Variants in EXD1 observed in about 807,000 individuals in gnomAD.
EXD1 encodes exonuclease 3'-5' domain containing 1.
Under a neutral mutation model 49.1 loss-of-function variants are expected in EXD1, and 63 were observed. The observed-to-expected ratio is 1.28, with a 90% CI of 1.05 to 1.58. EXD1 has a LOEUF of 1.58. Among genes scored for constraint, EXD1 ranks in the 40% most tolerant of loss-of-function variants. EXD1 has a pLI of 0.00. For missense variants in EXD1, 748 were observed against 666.0 expected (o/e 1.12, Z -1.36); for synonymous variants, 234 against 239.2 (o/e 0.98, Z 0.20).
At chr15:41,189,239 G>A (rs918977882) in intron 11 of EXD1, among the ~76,000 whole-genome samples, 13 of 151,240 alleles carry the variant, frequency 8.6e-5, no homozygotes, top group South Asian at 2.1e-4. Flanking sequence ...ATGGTGGCAG[G>A]TGCCTGTAAT....
chr15:41,190,239 C>CT, intron 10 of EXD1, 111 bp from the exon 11 acceptor site: 1 of 1,122,602 alleles, frequency 8.9e-7, no homozygotes, highest in Non-Finnish European at 1.3e-6. Context: ...CTCTGGGAGG[C>CT]TGAGGCAGGC....
chr15:41,195,910 C>A, intron 8 of EXD1, 23 bp downstream of exon 8: 2 of 1,608,898 alleles, frequency 1.2e-6, no homozygotes, highest in Non-Finnish European at 1.7e-6. Flanking sequence ...CTTAATAGCA[C>A]AGGAATCAGT....
At chr15:41,226,007 C>T (rs1250961681) in intron 2 of EXD1, among the ~76,000 whole-genome samples, 2 of 152,162 alleles carry the variant, frequency 1.3e-5, no homozygotes, top group Non-Finnish European at 2.9e-5. Flanking sequence ...AATCGCAGAA[C>T]TTTGGGAGGC....
At chr15:41,218,481 C>T (rs1362652899) in intron 3 of EXD1, among the ~76,000 whole-genome samples, 5 of 118,030 alleles carry the variant, frequency 4.2e-5, no homozygotes, top group African/African-American at 4.5e-5. Context: ...AGTAAGAATC[C>T]GTCTCAAAAA....
At chr15:41,210,315 G>A (rs2046902822) in intron 6 of EXD1, among the ~76,000 whole-genome samples, 1 of 152,186 alleles carries the variant, frequency 6.6e-6, no homozygotes, top group African/African-American at 2.4e-5. Context: ...TGGTGGCTAA[G>A]TCTCAGAGTA....
intron 7 of EXD1, among the ~76,000 whole-genome samples, chr15:41,200,625 T>A (rs2046713858): frequency 6.6e-6 from 1 of 152,154 alleles, no homozygotes; most frequent in Non-Finnish European, 1.5e-5. Flanking sequence ...AGGGAGGTCA[T>A]GGGGACTCCA....
At chr15:41,219,607 G>A (rs8030954) in intron 3 of EXD1, 43,672 of 382,454 alleles carry the variant, frequency 0.11, 5,005 homozygotes, top group African/African-American at 0.4. Flanking sequence ...CTGCTGGTCC[G>A]AGTCCGTAGT....
chr15:41,203,683 G>C (rs183676308), intron 7 of EXD1, among the ~76,000 whole-genome samples: 1 of 150,778 alleles, frequency 6.6e-6, no homozygotes, highest in East Asian at 2.0e-4. Flanking sequence ...TTGAGAGACC[G>C]AGGTGGGTGG....
chr15:41,207,098 G>A (rs1348258875), intron 7 of EXD1, among the ~76,000 whole-genome samples: 1 of 150,740 alleles, frequency 6.6e-6, no homozygotes, highest in East Asian at 2.0e-4. Flanking sequence ...AAAATTACCC[G>A]AGCGTGGTGG....
At position 41,184,259 on chromosome 15, in the gene EXD1, T is replaced by C; in HGVS notation, c.1391A>G (p.Asp464Gly). 1.2e-6 allele frequency: 2 copies of C among 1,614,180 alleles called. No individual in the cohort carries two copies. Among genetic ancestry groups the C allele is most frequent in the South Asian group, 1.1e-5 (1 of 91,084 alleles). Residue 464 changes from aspartate (D) to glycine (G), a missense_variant, in exon 12 of 12, where the codon GAT (aspartate) becomes GGT (glycine). By Grantham distance (94) the Asp-to-Gly change is moderately conservative. Coordinates refer to ENST00000458580, the MANE Select transcript of EXD1 (RefSeq NM_001286441.2). ...PPTEEGETSE[D>G]SSNKLICTKS... ...TGTGCAAATGAGTTTGTTACTGGAA[T>C]CCTCACTGGTTTCCCCTTCCTCTGT...
At chr15:41,219,266 A>G (rs2047051207) in intron 3 of EXD1, among the ~76,000 whole-genome samples, 1 of 152,018 alleles carries the variant, frequency 6.6e-6, no homozygotes, top group Admixed American at 6.6e-5. Context: ...AAAATCCGAA[A>G]ATCTCTGAAA....
chr15:41,221,476 G>A (rs1342254836), intron 2 of EXD1, among the ~76,000 whole-genome samples: 1 of 151,518 alleles, frequency 6.6e-6, no homozygotes, highest in African/African-American at 2.4e-5. Context: ...GTCTCACTAT[G>A]TTGCCCAGGC....
intron 11 of EXD1, among the ~76,000 whole-genome samples, chr15:41,186,151 T>C (rs1398135122): frequency 2.0e-5 from 3 of 152,064 alleles, no homozygotes; most frequent in South Asian, 2.1e-4. Flanking sequence ...TATCCATGGG[T>C]TCTGCATCCA....
At chr15:41,210,757 T>G (rs1270363233) in intron 6 of EXD1, among the ~76,000 whole-genome samples, 1 of 152,138 alleles carries the variant, frequency 6.6e-6, no homozygotes, top group African/African-American at 2.4e-5. Flanking sequence ...CATTATACAA[T>G]TCTATAATCC....
chr15:41,214,206 G>A (rs1298000423), intron 6 of EXD1, among the ~76,000 whole-genome samples: 1 of 151,888 alleles, frequency 6.6e-6, no homozygotes, highest in African/African-American at 2.4e-5. Flanking sequence ...ATAGCTAACT[G>A]TCCTTTTAAA....
Position 41,192,594 on chromosome 15 carries a change from A to ATTTTTTTTTTTTTTTTTTTTT in EXD1, c.721-1030_721-1010dup, listed in dbSNP as rs59054803. ...ACAGGCGTGAACCACTGCGCCAGGC[A>ATTTTTTTTTTTTTTTTTTTTT]TTTTTTTTTTTTTTTTTTTTTTTTT... On this transcript the variant is annotated intron_variant, in intron 9 of 11. Coordinates refer to ENST00000458580, the MANE Select transcript of EXD1 (RefSeq NM_001286441.2). Among the ~76,000 whole-genome samples, 8 of 40,838 alleles carry ATTTTTTTTTTTTTTTTTTTTT rather than the reference A, an allele frequency of 2.0e-4. 4 individuals carry two copies. The highest frequency in any genetic ancestry group is 2.2e-4 in the Non-Finnish European group (4 of 18,058). The allele number at this position is 40,838 out of a possible 152,430, so 26.8% of individuals were successfully genotyped here. A position where few individuals can be genotyped will look rare whatever the true frequency, so the allele number is the denominator to read the frequency against.
chr15:41,212,020 G>A (rs2046928143), intron 6 of EXD1, among the ~76,000 whole-genome samples: 1 of 144,702 alleles, frequency 6.9e-6, no homozygotes, highest in African/African-American at 2.9e-5. Flanking sequence ...TTATACAAAC[G>A]GCTAGTAAGC....
In EXD1 at chr15:41,227,038, A is replaced by T. The variant is rs149818172; in HGVS notation, c.-53-410T>A. Among the ~76,000 whole-genome samples the T allele has an allele frequency of 6.6e-5, 10 of 152,346 alleles. No individual in the cohort carries two copies. In the East Asian group the frequency reaches 1.9e-3, roughly 29 times the overall value. ...GCAATAAATTGTTTAGGGCAGCATA[A>T]CTACCTGAGCTGCTATTTTTTATAA... On this transcript the variant is annotated intron_variant, in intron 1 of 11. Transcript: ENST00000458580.
intron 6 of EXD1, among the ~76,000 whole-genome samples, chr15:41,213,383 G>A (rs1476967396): frequency 6.6e-6 from 1 of 151,892 alleles, no homozygotes; most frequent in Non-Finnish European, 1.5e-5. Context: ...TGTATTTTTA[G>A]TAGAGACGGT....
Sources: gnomAD v4.1 joint callset for allele counts (sites outside exome capture counted in the v4.1 genomes callset) on GRCh38, gnomAD v4.1.1 for gene constraint, MANE v1.5 for transcripts, NCBI Gene and HGNC (gene_info 2026-07-23, HGNC 2026-07-21) for gene names.